The following EPB41L3 variants were observed in gnomAD, a reference collection of about 807,000 sequenced individuals.
EPB41L3 encodes the protein erythrocyte membrane protein band 4.1 like 3, also known as band 4.1-like protein 3.
Under a neutral mutation model 127.1 loss-of-function variants are expected in EPB41L3, and 57 were observed. That is an observed-to-expected ratio of 0.45 (90% CI 0.36 to 0.56). The LOEUF is 0.56. Among genes scored for constraint, EPB41L3 ranks in the 20% least tolerant of loss-of-function variants. The probability of loss-of-function intolerance (pLI) is 0.00; values close to 1 mark genes in which losing one functional copy is unlikely to be tolerated. For synonymous variants in EPB41L3, 572 were observed against 549.5 expected (o/e 1.04, Z -0.57); for missense variants, 1,273 against 1,372.2 (o/e 0.93, Z 1.14).
intron 3 of EPB41L3, among the ~76,000 whole-genome samples, chr18:5,458,817 G>T (rs2083498042): frequency 6.6e-6 from 1 of 151,986 alleles, no homozygotes; most frequent in South Asian, 2.1e-4. Flanking sequence ...GACATAACTG[G>T]GCACGTATTT....
At chr18:5,395,561 T>G (rs201833386) in intron 20 of EPB41L3, 48 bp downstream of exon 20, 2 of 1,565,954 alleles carry the variant, frequency 1.3e-6, no homozygotes, top group Admixed American at 1.7e-5. Flanking sequence ...AGCACCTTCC[T>G]CCAGCTCGCT....
chr18:5,409,912 G>A (rs1467951680), intron 14 of EPB41L3, among the ~76,000 whole-genome samples: 1 of 151,986 alleles, frequency 6.6e-6, no homozygotes, highest in Non-Finnish European at 1.5e-5. Flanking sequence ...CATTTAATGT[G>A]TTTCTTTAAC....
intron 3 of EPB41L3, among the ~76,000 whole-genome samples, chr18:5,559,461 C>G (rs951209865): frequency 2.0e-5 from 3 of 152,050 alleles, no homozygotes; most frequent in Non-Finnish European, 4.4e-5. Context: ...AAAGGCAGAG[C>G]GTCATAGCAG....
intron 1 of EPB41L3, among the ~76,000 whole-genome samples, chr18:5,624,009 CT>C (rs1305716010): frequency 5.3e-5 from 8 of 150,708 alleles, no homozygotes; most frequent in Admixed American, 1.3e-4. Flanking sequence ...TATGAATAAA[CT>C]TTTTTTTTAA....
At chr18:5,617,319 TA>T (rs200493085) in intron 1 of EPB41L3, among the ~76,000 whole-genome samples, 10,929 of 124,814 alleles carry the variant, frequency 0.088, 442 homozygotes, top group African/African-American at 0.13. Context: ...CTATTATTAT[TA>T]TTTTTTTTTT....
intron 10 of EPB41L3, among the ~76,000 whole-genome samples, chr18:5,423,831 G>A (rs1252698548): frequency 6.6e-6 from 1 of 152,126 alleles, no homozygotes; most frequent in Non-Finnish European, 1.5e-5. Context: ...AGCCCAAACA[G>A]CTACTAAATA....
intron 16 of EPB41L3, among the ~76,000 whole-genome samples, chr18:5,406,392 G>A (rs2075387663): frequency 6.6e-6 from 1 of 152,172 alleles, no homozygotes; most frequent in South Asian, 2.1e-4. Context: ...ATCAACTTCA[G>A]GTTACCATTT....
chr18:5,567,197 C>A (rs989740145), intron 3 of EPB41L3: 1 of 152,320 alleles, frequency 6.6e-6, no homozygotes, highest in Non-Finnish European at 1.5e-5. Context: ...TTCTCACAAG[C>A]CTCTTCCTTC....
At chr18:5,600,932 G>A (rs1408681792) in intron 3 of EPB41L3, among the ~76,000 whole-genome samples, 1 of 152,116 alleles carries the variant, frequency 6.6e-6, no homozygotes, top group Non-Finnish European at 1.5e-5. Context: ...TTTTAACCGT[G>A]TTAATGCTCT....
intron 3 of EPB41L3, among the ~76,000 whole-genome samples, chr18:5,446,636 A>G (rs2081520817): frequency 6.6e-6 from 1 of 152,262 alleles, no homozygotes; most frequent in African/African-American, 2.4e-5. Context: ...GTTATAGTGC[A>G]GCTGTAATTA....
intron 1 of EPB41L3, among the ~76,000 whole-genome samples, chr18:5,493,446 TCTTA>T (rs2090827413): frequency 6.6e-6 from 1 of 152,170 alleles, no homozygotes; most frequent in South Asian, 2.1e-4. Flanking sequence ...GAGAAGTGGG[TCTTA>T]CTTAACATAA....
At chr18:5,530,537 C>G (rs576803103) in intron 1 of EPB41L3, among the ~76,000 whole-genome samples, 4 of 152,154 alleles carry the variant, frequency 2.6e-5, no homozygotes, top group African/African-American at 9.7e-5. Context: ...CCAGCTGCCC[C>G]TAAGACTCAT....
chr18:5,457,660 T>C (rs2083319560), intron 3 of EPB41L3, among the ~76,000 whole-genome samples: 1 of 152,154 alleles, frequency 6.6e-6, no homozygotes, highest in Non-Finnish European at 1.5e-5. Context: ...AAAGCCTAAC[T>C]GTGGAAAGAC....
At chr18:5,622,625 A>T (rs1372731150) in intron 1 of EPB41L3, among the ~76,000 whole-genome samples, 1 of 152,196 alleles carries the variant, frequency 6.6e-6, no homozygotes, top group South Asian at 2.1e-4. Flanking sequence ...TTCACAAAGC[A>T]ACCTAAAAAA....
chr18:5,493,408 CTTTTA>C (rs1477312069), intron 1 of EPB41L3, among the ~76,000 whole-genome samples: 1 of 151,874 alleles, frequency 6.6e-6, no homozygotes, highest in Non-Finnish European at 1.5e-5. Context: ...ACCTTTTTTT[CTTTTA>C]TATTTCAAGT....
chr18:5,511,391 G>GTTTTTTTTTTTTTTTT (rs1190047630), intron 1 of EPB41L3, among the ~76,000 whole-genome samples: 1 of 59,798 alleles, frequency 1.7e-5, no homozygotes, highest in Non-Finnish European at 2.9e-5. Flanking sequence ...AGGTATTTTG[G>GTTTTTTTTTTTTTTTT]TTTTTTTTTT....
chr18:5,478,574 A>G, intron 2 of EPB41L3, 136 bp from the exon 3 acceptor site: 1 of 706,496 alleles, frequency 1.4e-6, no homozygotes, highest in Non-Finnish European at 2.3e-6. Context: ...ATAGATATAA[A>G]TATACAGATA....
chr18:5,587,211 C>T lies in EPB41L3; in HGVS notation c.-306+25129G>A, dbSNP rs78750616. Reference sequence around the variant, plus strand: ...GAAGGGCAGAAGTTAATCAAATGACCGTGGGCGTTAGACAGCAGTCCCCTC... The same window carrying T: ...GAAGGGCAGAAGTTAATCAAATGACTGTGGGCGTTAGACAGCAGTCCCCTC... On this transcript the variant is annotated intron_variant, in intron 3 of 21. Coordinates refer to the EPB41L3 transcript ENST00000545076. Among the ~76,000 whole-genome samples, 323 of 152,114 alleles carry T rather than the reference C, an allele frequency of 2.1e-3. 4 individuals are homozygous for T. The East Asian group carries it at 0.038, about 18-fold the overall frequency.
intron 3 of EPB41L3, chr18:5,610,091 T>A: frequency 6.1e-6 from 6 of 985,318 alleles, no homozygotes; most frequent in Non-Finnish European, 7.2e-6. Context: ...ACAGTTTTCT[T>A]CTTCCCCAAA....
Sources: gnomAD v4.1 joint callset for allele counts (sites outside exome capture counted in the v4.1 genomes callset) on GRCh38, gnomAD v4.1.1 for gene constraint, MANE v1.5 for transcripts, NCBI Gene and HGNC (gene_info 2026-07-23, HGNC 2026-07-21) for gene names.